GALE: variants seen among roughly 807,000 people sequenced by gnomAD.
GALE encodes UDP-glucose 4-epimerase.
A neutral mutation model predicts 44.1 loss-of-function variants in GALE; 32 were observed. The observed-to-expected ratio is 0.73, with a 90% CI of 0.55 to 0.97. The LOEUF is 0.97. Among genes scored for constraint, GALE ranks in the 50% least tolerant of loss-of-function variants. The probability of loss-of-function intolerance (pLI) is 0.00; values close to 1 mark genes in which losing one functional copy is unlikely to be tolerated. For missense variants in GALE, 423 were observed against 455.6 expected (o/e 0.93, Z 0.65); for synonymous variants, 182 against 183.5 (o/e 0.99, Z 0.06).
Position 23,797,852 on chromosome 1 carries a change from AC to A in GALE, c.370del (p.Val124Ter), listed in dbSNP as rs746418042. 1.2e-6 allele frequency: 2 copies of A among 1,614,060 alleles called. No individual in the cohort carries two copies. Among genetic ancestry groups the A allele is most frequent in the East Asian group, 4.5e-5 (2 of 44,874 alleles). On this transcript the variant is annotated frameshift_variant, in exon 6 of 12. Coordinates refer to ENST00000617979, the MANE Select transcript of GALE (RefSeq NM_001008216.2). LOFTEE classifies it high-confidence loss of function. ...TGAGCTGCTGAACACCAGGTTCTTC[AC>A]CCCGTGGGCCTTCATGATCTGGCCG... ...QLLEIMKAHGVKNLVFSSSAT... is the reference protein window; with the variant it reads ...QLLEIMKAHGXKNLVFSSSAT...
rs372715385 is a variant in GALE, at chr1:23,797,814, C to T, written c.409G>A (p.Gly137Arg). The change falls in exon 6 of 12, where the codon GGG (glycine) becomes AGG (arginine). Residue 137 changes from glycine (G) to arginine (R), a missense_variant. Gly to Arg is a moderately radical substitution (Grantham distance 125). Coordinates refer to ENST00000617979, the MANE Select transcript of GALE (RefSeq NM_001008216.2). ...LVFSSSATVY[G>R]NPQYLPLDEA... ...TCAAGGGGCAGGTACTGGGGGTTCC[C>T]GTACACAGTGGCTGAGCTGCTGAAC... is the stretch of plus-strand genomic sequence containing the variant. 10 of 1,614,026 alleles carry T rather than the reference C, an allele frequency of 6.2e-6. No individual in the cohort carries two copies. Among genetic ancestry groups the T allele is most frequent in the Admixed American group, 1.7e-5 (1 of 60,002 alleles).
In GALE at chr1:23,796,077, C is replaced by T; in HGVS notation, c.989-70G>A. ...AGAGCCTCCCCCACCCCACAGCCCG[C>T]CCTGGGTGGGCATGCCCAGATCTGA... is the stretch of plus-strand genomic sequence containing the variant. On this transcript the variant is annotated intron_variant, in intron 11 of 11. Coordinates refer to ENST00000617979, the MANE Select transcript of GALE (RefSeq NM_001008216.2). The surrounding 1 kb of genome is among the most constrained non-coding windows in gnomAD (Gnocchi z 5.2). The T allele has an allele frequency of 6.2e-7, 1 of 1,603,120 alleles. No homozygotes were observed. Among genetic ancestry groups the T allele is most frequent in the Non-Finnish European group, 8.5e-7 (1 of 1,170,722 alleles).
rs774758975 is a variant in GALE, at chr1:23,798,265, G to A, written c.238-35C>T. The A allele has an allele frequency of 7.3e-6, 11 of 1,510,334 alleles. No individual in the cohort carries two copies. The South Asian group carries it at 1.2e-4, about 17-fold the overall frequency. 93.6% of individuals were successfully genotyped at this position (1,510,334 alleles called of 1,614,324 possible). On this transcript the variant is annotated intron_variant, in intron 4 of 11. Coordinates refer to ENST00000617979, the MANE Select transcript of GALE (RefSeq NM_001008216.2). This position sits in a 1 kb window ranked among gnomAD's most constrained non-coding sequence, Gnocchi z 4.5. ...TGACATGGCCAGAGGTTGCTCTACT[G>A]GTTTTAGTCCTTGGCAATGCCCTCA...
At chr1:23,797,998 G>T (rs1557480192) in intron 5 of GALE, 119 bp downstream of exon 5, 2 of 1,321,496 alleles carry the variant, frequency 1.5e-6, no homozygotes, top group East Asian at 4.6e-5. Flanking sequence ...ACTGAGACTG[G>T]GAGGTAAAGA....
intron 1 of GALE, 178 bp downstream of exon 1, chr1:23,800,534 G>T (rs1638220826): frequency 6.6e-6 from 1 of 152,528 alleles, no homozygotes; most frequent in East Asian, 1.9e-4. Flanking sequence ...CCTCAGGCCG[G>T]CAATGAATGA....
In GALE at chr1:23,796,989, C is replaced by CT; in HGVS notation, c.642+44dup. On this transcript the variant is annotated intron_variant, in intron 7 of 11. Transcript: ENST00000617979. This position sits in a 1 kb window ranked among gnomAD's most constrained non-coding sequence, Gnocchi z 5.2. ...GTTCGTCCCAGATCCCAGGCACCAG[C>CT]TTTAACCCCAGGGCCACTCCTCTGT... The CT allele has an allele frequency of 6.2e-7, 1 of 1,608,922 alleles. No individual in the cohort carries two copies. Among genetic ancestry groups the CT allele is most frequent in the Non-Finnish European group, 8.5e-7 (1 of 1,177,302 alleles).
chr1:23,798,498 G>A lies in GALE; in HGVS notation c.237+117C>T, dbSNP rs751505155. 2.8e-5 allele frequency: 22 copies of A among 788,740 alleles called. No individual in the cohort carries two copies. Among genetic ancestry groups the A allele is most frequent in the African/African-American group, 5.1e-5 (3 of 58,738 alleles). 48.9% of individuals were successfully genotyped at this position (788,740 alleles called of 1,614,324 possible). On this transcript the variant is annotated intron_variant, in intron 4 of 11. Coordinates refer to ENST00000617979, the MANE Select transcript of GALE (RefSeq NM_001008216.2). This position sits in a 1 kb window ranked among gnomAD's most constrained non-coding sequence, Gnocchi z 4.5. ...TTTTGTATTTTTCTGTAGAGATGGG[G>A]TTTCACTGTGTTGAGCAGGCTGGTC...
chr1:23,796,554 T>C lies in GALE; in HGVS notation c.828A>G (p.Ser276=). The C allele has an allele frequency of 1.2e-6, 2 of 1,614,060 alleles. No homozygotes were observed. The highest frequency in any genetic ancestry group is 1.7e-6 in the Non-Finnish European group (2 of 1,180,014). The part of the protein sequence containing the change: ...IYNLGTGTGY[S]VLQMVQAMEK... ...CCATAGCCTGGACCATCTGCAGCAC[T>C]GAATAGCCTGTGCCCGTGCCCAGGT... Residue 276 remains serine, a synonymous_variant, in exon 10 of 12, where the codon TCA becomes TCG. Coordinates refer to ENST00000617979, the MANE Select transcript of GALE (RefSeq NM_001008216.2). This position sits in a 1 kb window ranked among gnomAD's most constrained non-coding sequence, Gnocchi z 5.2.
rs747539079 is a variant in GALE at position 23,796,857 on chromosome 1, C to T, written c.709+19G>A. 1.2e-6 allele frequency: 2 copies of T among 1,612,366 alleles called. No individual in the cohort carries two copies. Among genetic ancestry groups the T allele is most frequent in the South Asian group, 1.1e-5 (1 of 90,580 alleles). Reference sequence around the variant, plus strand: ...CCTTCCTGGCTCCCACTCCTAGGTCCCCCTGGTCCTAGGCTCACCTGTGCC... The same window carrying T: ...CCTTCCTGGCTCCCACTCCTAGGTCTCCCTGGTCCTAGGCTCACCTGTGCC... On this transcript the variant is annotated intron_variant, in intron 8 of 11. Transcript: ENST00000617979. This position sits in a 1 kb window ranked among gnomAD's most constrained non-coding sequence, Gnocchi z 5.2.
chr1:23,796,025 G>A lies in GALE; in HGVS notation c.989-18C>T, dbSNP rs1164353657. 4.3e-6 allele frequency: 7 copies of A among 1,613,624 alleles called. No individual in the cohort carries two copies. The Admixed American group carries it at 8.3e-5, about 19-fold the overall frequency. On this transcript the variant is annotated intron_variant, in intron 11 of 11. Coordinates refer to ENST00000617979, the MANE Select transcript of GALE (RefSeq NM_001008216.2). The surrounding 1 kb of genome is among the most constrained non-coding windows in gnomAD (Gnocchi z 5.2). ...ATCCTCACCTGCAACACGGCGAGGTGTGTGCTCAGGGCCCACGGTGGAATG... is the reference window on the plus strand; with the variant it reads ...ATCCTCACCTGCAACACGGCGAGGTATGTGCTCAGGGCCCACGGTGGAATG...
Position 23,796,467 on chromosome 1 carries a change from G to A in GALE, c.873+42C>T, listed in dbSNP as rs1487441336. On this transcript the variant is annotated intron_variant, in intron 10 of 11. Coordinates refer to ENST00000617979, the MANE Select transcript of GALE (RefSeq NM_001008216.2). The surrounding 1 kb of genome is among the most constrained non-coding windows in gnomAD (Gnocchi z 5.2). ...AAGCTGCTCTGTTGCTGAGAGCTGG[G>A]TGGGGTGAGGTGGGTGAGGTGGGTG... 1 of 1,595,070 alleles carries A rather than the reference G, an allele frequency of 6.3e-7. No individual in the cohort carries two copies. Among genetic ancestry groups the A allele is most frequent in the Non-Finnish European group, 8.6e-7 (1 of 1,166,730 alleles).
chr1:23,799,123 C>G (rs946057578), intron 2 of GALE, 111 bp from the exon 3 acceptor site: 2 of 1,439,256 alleles, frequency 1.4e-6, no homozygotes, highest in Non-Finnish European at 1.9e-6. Flanking sequence ...GCAGTGTGCC[C>G]TAGGTACCAG....
At position 23,796,750 on chromosome 1, in the gene GALE, C is replaced by T; in HGVS notation, c.742G>A (p.Ala248Thr). Residue 248 changes from alanine (A) to threonine (T), a missense_variant, in exon 9 of 12, where the codon GCC (alanine) becomes ACC (threonine). Coordinates refer to ENST00000617979, the MANE Select transcript of GALE (RefSeq NM_001008216.2). The surrounding 1 kb of genome is among the most constrained non-coding windows in gnomAD (Gnocchi z 5.2). ...VRDYIHVVDL[A>T]KGHIAALRKL... ...CTTAAGGCTGCAATGTGGCCCTTGG[C>T]CAGATCCACGACATGGATGTAATCC... 1 of 1,612,158 alleles carries T rather than the reference C, an allele frequency of 6.2e-7. No homozygotes were observed. The highest frequency in any genetic ancestry group is 8.5e-7 in the Non-Finnish European group (1 of 1,179,056).
rs561841143 is a variant in GALE, at chr1:23,795,922, T to C, written c.*27A>G. On this transcript the variant is annotated 3_prime_UTR_variant, in exon 12 of 12. Coordinates refer to ENST00000617979, the MANE Select transcript of GALE (RefSeq NM_001008216.2). ...GCTGGAGAGCAGGCAGCTGCTGCTT[T>C]TCCTGGTCCTTGGTAGGGGAGGGTC... 6 of 1,610,002 alleles carry C rather than the reference T, an allele frequency of 3.7e-6. No individual in the cohort carries two copies. The South Asian group carries it at 5.5e-5, about 15-fold the overall frequency.
chr1:23,798,750 C>A lies in GALE; in HGVS notation c.122-20G>T, dbSNP rs760530432. 1 of 1,610,212 alleles carries A rather than the reference C, an allele frequency of 6.2e-7. No homozygotes were observed. The highest frequency in any genetic ancestry group is 1.3e-5 in the African/African-American group (1 of 75,000). ...CCCCTCCTGGTAGGGTACATGTAGG[C>A]CACATCATCACGACATGGGGTGCTG... is the stretch of plus-strand genomic sequence containing the variant. On this transcript the variant is annotated intron_variant, in intron 3 of 11. Transcript: ENST00000617979. This position sits in a 1 kb window ranked among gnomAD's most constrained non-coding sequence, Gnocchi z 4.5.
rs762329209 is a variant in GALE at position 23,797,857 on chromosome 1, G to A, written c.366C>T (p.His122=). Residue 122 remains histidine, a synonymous_variant, in exon 6 of 12, where the codon CAC becomes CAT. Transcript: ENST00000617979. The part of the protein sequence containing the change: ...TIQLLEIMKA[H]GVKNLVFSSS... ...TGCTGAACACCAGGTTCTTCACCCC[G>A]TGGGCCTTCATGATCTGGCCGTGGA... is the stretch of plus-strand genomic sequence containing the variant. 95 of 1,614,062 alleles carry A rather than the reference G, an allele frequency of 5.9e-5. No individual in the cohort carries two copies. In the South Asian group the frequency reaches 6.1e-4, roughly 10 times the overall value.
intron 6 of GALE, 51 bp downstream of exon 6, chr1:23,797,644 T>A (rs1253679593): frequency 6.3e-7 from 1 of 1,577,440 alleles, no homozygotes; most frequent in Non-Finnish European, 8.7e-7. Flanking sequence ...GGGTGGGCCC[T>A]GAGGAGTCCA....
chr1:23,798,391 A>C lies in GALE; in HGVS notation c.238-161T>G, dbSNP rs1570634261. 1.4e-6 allele frequency: 1 copy of C among 704,036 alleles called. No homozygotes were observed. The highest frequency in any genetic ancestry group is 2.5e-6 in the Non-Finnish European group (1 of 397,526). 43.6% of individuals were successfully genotyped at this position (704,036 alleles called of 1,614,324 possible). On this transcript the variant is annotated intron_variant, in intron 4 of 11. Transcript: ENST00000617979. The surrounding 1 kb of genome is among the most constrained non-coding windows in gnomAD (Gnocchi z 4.5). ...GCCATCTCAGCTCACCGCAACCTCC[A>C]CCTCCCAGGCTCAAGCCATCCTCCC...
chr1:23,798,200 C>T lies in GALE; in HGVS notation c.268G>A (p.Gly90Arg), dbSNP rs1639022766. 1 of 1,614,082 alleles carries T rather than the reference C, an allele frequency of 6.2e-7. No individual in the cohort carries two copies. Among genetic ancestry groups the T allele is most frequent in the East Asian group, 2.2e-5 (1 of 44,886 alleles). Reference protein sequence around the residue: ...YSFMAVIHFAGLKAVGESVQK... With the variant: ...YSFMAVIHFARLKAVGESVQK... ...ACCGACTCGCCCACGGCCTTGAGCC[C>T]CGCAAAGTGGATGACCGCCATAAAG... is the stretch of plus-strand genomic sequence containing the variant. The change falls in exon 5 of 12, where the codon GGG (glycine) becomes AGG (arginine). Residue 90 changes from glycine (G) to arginine (R), a missense_variant. Physicochemically the swap from Gly to Arg is moderately radical, Grantham distance 125. Coordinates refer to ENST00000617979, the MANE Select transcript of GALE (RefSeq NM_001008216.2). This position sits in a 1 kb window ranked among gnomAD's most constrained non-coding sequence, Gnocchi z 4.5.
Sources: gnomAD v4.1 joint callset for allele counts on GRCh38, gnomAD v4.1.1 for gene constraint, Gnocchi (gnomAD v3.1) non-coding constraint, MANE v1.5 for transcripts, NCBI Gene and HGNC (gene_info 2026-07-23, HGNC 2026-07-21) for gene names.